NEDD4: variants seen among roughly 807,000 people sequenced by gnomAD.
The protein encoded by NEDD4 is NEDD4 E3 ubiquitin protein ligase.
NEDD4 carries 99 observed loss-of-function variants against 144.9 expected under a neutral mutation model. The observed-to-expected ratio is 0.68, with a 90% confidence interval of 0.58 to 0.81. NEDD4 has a LOEUF of 0.81. NEDD4 is among the 30% of genes least tolerant of loss of function. NEDD4 has a pLI of 0.00. For missense variants in NEDD4, 985 were observed against 1,065.9 expected, an observed-to-expected ratio of 0.92 and a Z score of 1.06; for synonymous variants, 318 against 350.6, an observed-to-expected ratio of 0.91 and a Z score of 1.04.
intron 5 of NEDD4, among the ~76,000 whole-genome samples, chr15:55,901,983 C>A (rs16976644): frequency 0.14 from 21,810 of 152,032 alleles, 1,707 homozygotes; most frequent in East Asian, 0.36. Flanking sequence ...GTTACTTCAA[C>A]ATAGAGTACA....
At chr15:55,910,362 T>C (rs1184091528) in intron 5 of NEDD4, among the ~76,000 whole-genome samples, 4 of 152,124 alleles carry the variant, frequency 2.6e-5, no homozygotes, top group South Asian at 2.1e-4. Context: ...TGGATACTTA[T>C]GTTCTCTGTG....
chr15:55,922,118 G>A (rs963305047), intron 5 of NEDD4, among the ~76,000 whole-genome samples: 5 of 152,010 alleles, frequency 3.3e-5, no homozygotes, highest in Admixed American at 6.6e-5. Flanking sequence ...ACGTACATAG[G>A]GAGACATAAA....
Position 55,878,951 on chromosome 15 carries a change from T to C in NEDD4, c.292-4943A>G, listed in dbSNP as rs145517932. On this transcript the variant is annotated intron_variant, in intron 5 of 28. Transcript: ENST00000435532. ...GATTCTTCTGCCTCAGCCTCGCAAGTAGCTGAGATTACAGGCATGTGCCAC... is the reference window on the plus strand; with the variant it reads ...GATTCTTCTGCCTCAGCCTCGCAAGCAGCTGAGATTACAGGCATGTGCCAC... 3.7e-4 allele frequency among the ~76,000 whole-genome samples: 57 copies of C among 152,326 alleles called. 1 individual carries two copies. The East Asian group carries it at 0.01, about 27-fold the overall frequency.
intron 17 of NEDD4, 74 bp downstream of exon 17, chr15:55,848,298 G>T: frequency 2.1e-6 from 3 of 1,399,630 alleles, no homozygotes; most frequent in Admixed American, 3.4e-5. Context: ...GTAGGGTTAT[G>T]CCCGTGACTA....
At chr15:55,881,032 T>G (rs1289240638) in intron 5 of NEDD4, among the ~76,000 whole-genome samples, 1 of 152,206 alleles carries the variant, frequency 6.6e-6, no homozygotes, top group Non-Finnish European at 1.5e-5. Flanking sequence ...TTAGCTTAGT[T>G]TAACGCCATA....
chr15:55,920,700 C>T (rs2036552671), intron 5 of NEDD4, among the ~76,000 whole-genome samples: 1 of 152,148 alleles, frequency 6.6e-6, no homozygotes, highest in Admixed American at 6.6e-5. Flanking sequence ...GAAAATGGTA[C>T]ATTTTAAATT....
intron 18 of NEDD4, among the ~76,000 whole-genome samples, chr15:55,845,352 A>C (rs2033696168): frequency 6.6e-6 from 1 of 152,158 alleles, no homozygotes; most frequent in Non-Finnish European, 1.5e-5. Flanking sequence ...TAACCATGGG[A>C]CTTGATCACA....
chr15:55,916,354 C>T, intron 5 of NEDD4: 1 of 1,614,024 alleles, frequency 6.2e-7, no homozygotes, highest in East Asian at 2.2e-5. Flanking sequence ...CTGTAAGACC[C>T]ATTATCACTG....
intron 11 of NEDD4, among the ~76,000 whole-genome samples, chr15:55,860,107 G>A (rs1465279730): frequency 6.6e-6 from 1 of 152,122 alleles, no homozygotes. Flanking sequence ...AACACCAATG[G>A]TGCGTGTTCT....
chr15:55,841,518 G>A (rs1179800429), intron 19 of NEDD4, among the ~76,000 whole-genome samples: 2 of 152,188 alleles, frequency 1.3e-5, no homozygotes, highest in African/African-American at 4.8e-5. Context: ...GAGTTGGATA[G>A]TGGGATGGCA....
intron 5 of NEDD4, among the ~76,000 whole-genome samples, chr15:55,877,704 T>C (rs1227680074): frequency 2.0e-5 from 3 of 152,176 alleles, no homozygotes; most frequent in Admixed American, 6.5e-5. Context: ...TCCATTATTC[T>C]TTTTATATTA....
intron 18 of NEDD4, among the ~76,000 whole-genome samples, chr15:55,846,571 G>T (rs2033754992): frequency 6.6e-6 from 1 of 152,040 alleles, no homozygotes; most frequent in African/African-American, 2.4e-5. Flanking sequence ...AATGACTTTC[G>T]CTGGAAAACA....
intron 11 of NEDD4, among the ~76,000 whole-genome samples, chr15:55,858,611 G>GTAGTT (rs1481346925): frequency 7.2e-5 from 11 of 152,284 alleles, no homozygotes; most frequent in African/African-American, 2.6e-4. Context: ...CTGGCCTAAT[G>GTAGTT]TAGTTTAGGT....
rs1437227970 is a variant in NEDD4 at position 55,829,397 on chromosome 15, A to G, written c.*500T>C. 2 of 152,928 alleles carry G rather than the reference A, an allele frequency of 1.3e-5. No individual in the cohort carries two copies. Among genetic ancestry groups the G allele is most frequent in the Non-Finnish European group, 2.9e-5 (2 of 68,278 alleles). 9.5% of individuals were successfully genotyped at this position (152,928 alleles called of 1,614,324 possible). On this transcript the variant is annotated 3_prime_UTR_variant, in exon 29 of 29. Coordinates refer to ENST00000435532, the MANE Select transcript of NEDD4 (RefSeq NM_006154.4). ...TACAAAATAATAAATAGCTGCGAGT[A>G]GCACTAAATATATTGTAGTTTACTC...
At chr15:55,977,256 C>T (rs1351380721) in intron 1 of NEDD4, among the ~76,000 whole-genome samples, 1 of 152,116 alleles carries the variant, frequency 6.6e-6, no homozygotes, top group Non-Finnish European at 1.5e-5. Context: ...TTTTCCTTTT[C>T]TATGTTTTGG....
At chr15:55,916,121 G>C (rs2036433999) in intron 5 of NEDD4, 1 of 1,613,742 alleles carries the variant, frequency 6.2e-7, no homozygotes, top group Admixed American at 1.7e-5. Flanking sequence ...AGTCATCCTG[G>C]ACAAAAGGAT....
Position 55,915,535 on chromosome 15 carries a change from T to C in NEDD4, c.291+9111A>G, listed in dbSNP as rs746236564. ...CTTTCCAATTCTCCATTGATATTTA[T>C]TTGACAATCTACATTTTGGGAGGAT... On this transcript the variant is annotated intron_variant, in intron 5 of 28. Transcript: ENST00000435532. 1.4e-5 allele frequency: 22 copies of C among 1,613,904 alleles called. 1 individual carries two copies. In the Admixed American group the frequency reaches 2.2e-4, roughly 16 times the overall value.
In NEDD4 at chr15:55,951,371, CT is replaced by C; in HGVS notation, c.237+4del. 1.1e-6 allele frequency: 1 copy of C among 918,782 alleles called. No homozygotes were observed. The highest frequency in any genetic ancestry group is 1.6e-6 in the Non-Finnish European group (1 of 613,944). The allele number at this position is 918,782 out of a possible 1,614,324, so 56.9% of individuals were successfully genotyped here. The stretch of plus-strand genomic sequence containing the variant: ...CCACTTTAGTAAAATAAAATATATA[CT>C]TACTCTGAATAATATTTCTTCATTC... On this transcript the variant is annotated splice_donor_region_variant and intron_variant, in intron 4 of 28. Coordinates refer to ENST00000435532, the MANE Select transcript of NEDD4 (RefSeq NM_006154.4).
chr15:55,848,939 A>G, intron 14 of NEDD4, 53 bp from the exon 15 acceptor site: 1 of 1,382,244 alleles, frequency 7.2e-7, no homozygotes, highest in South Asian at 1.2e-5. Flanking sequence ...AAAATAATCA[A>G]AGTCAGTCTG....
Sources: gnomAD v4.1 joint callset for allele counts (sites outside exome capture counted in the v4.1 genomes callset) on GRCh38, gnomAD v4.1.1 for gene constraint, MANE v1.5 for transcripts, NCBI Gene and HGNC (gene_info 2026-07-23, HGNC 2026-07-21) for gene names.